The following WRN variants were observed in gnomAD, a reference collection of about 807,000 sequenced individuals.
WRN encodes WRN RecQ like helicase.
Under a neutral mutation model 180.7 loss-of-function variants are expected in WRN, and 149 were observed. That is an observed-to-expected ratio of 0.82 (90% CI 0.72 to 0.94). The LOEUF (loss-of-function observed/expected upper bound fraction) is 0.94, where lower values mean the gene tolerates loss of function less well. WRN is among the 40% of genes least tolerant of loss of function. The pLI, the probability that WRN is intolerant of heterozygous loss-of-function variation, is 0.00. For missense variants in WRN, 1,661 were observed against 1,700.1 expected, an observed-to-expected ratio of 0.98 and a Z score of 0.40; for synonymous variants, 548 against 568.9, an observed-to-expected ratio of 0.96 and a Z score of 0.52.
At chr8:31,099,124 A>G (rs1814108897) in intron 17 of WRN, among the ~76,000 whole-genome samples, 1 of 151,554 alleles carries the variant, frequency 6.6e-6, no homozygotes, top group African/African-American at 2.4e-5. Flanking sequence ...AGGGGCTGGG[A>G]GTGGTGGCTC....
chr8:31,088,045 T>G, intron 12 of WRN, 125 bp downstream of exon 12: 4 of 1,484,802 alleles, frequency 2.7e-6, no homozygotes, highest in African/African-American at 1.4e-5. Flanking sequence ...TATTGGATCC[T>G]TATAAGCTTT....
rs1282298790 is a variant in WRN, at chr8:31,064,219, T to G, written c.210-70T>G. 104 of 1,581,270 alleles carry G rather than the reference T, an allele frequency of 6.6e-5. 2 individuals carry two copies. The highest frequency in any genetic ancestry group is 2.6e-6 in the Non-Finnish European group (3 of 1,154,944). ...CTGTGGTTGCCTTTTAATTTTTGAA[T>G]TATGTCTTTAGTTATGCAGAAGTTT... On this transcript the variant is annotated intron_variant, in intron 3 of 34. Transcript: ENST00000298139.
chr8:31,040,490 G>T (rs142532010), intron 1 of WRN, among the ~76,000 whole-genome samples: 2 of 152,244 alleles, frequency 1.3e-5, no homozygotes, highest in East Asian at 1.9e-4. Context: ...ACTGAAAAGG[G>T]ATTGTTATAC....
At chr8:31,133,717 G>A (rs1802276551) in intron 24 of WRN, among the ~76,000 whole-genome samples, 1 of 152,066 alleles carries the variant, frequency 6.6e-6, no homozygotes, top group Non-Finnish European at 1.5e-5. Context: ...ACTATTTTAG[G>A]TGCTGTGAGT....
intron 1 of WRN, among the ~76,000 whole-genome samples, chr8:31,037,245 C>T (rs1385554340): frequency 1.3e-5 from 2 of 152,210 alleles, no homozygotes; most frequent in Non-Finnish European, 2.9e-5. Flanking sequence ...CTTGCATGCG[C>T]AATTCACAGT....
At chr8:31,045,183 A>G (rs991546750) in intron 1 of WRN, among the ~76,000 whole-genome samples, 5 of 152,108 alleles carry the variant, frequency 3.3e-5, no homozygotes, top group Non-Finnish European at 5.9e-5. Context: ...ACATGGATCT[A>G]TTTCTGGACA....
At chr8:31,066,727 T>A (rs935130235) in intron 5 of WRN, among the ~76,000 whole-genome samples, 2 of 152,122 alleles carry the variant, frequency 1.3e-5, no homozygotes, top group African/African-American at 4.8e-5. Context: ...AATTAAATTC[T>A]CATATTTAGC....
At chr8:31,167,582 TAA>T (rs1174791717) in intron 34 of WRN, among the ~76,000 whole-genome samples, 24 of 152,254 alleles carry the variant, frequency 1.6e-4, no homozygotes, top group Non-Finnish European at 2.9e-5. Flanking sequence ...AATTGTATTA[TAA>T]ATACCTCCCA....
At position 31,174,078 on chromosome 8, in the gene WRN, A is replaced by T. The variant is rs1804194526; in HGVS notation, c.*976A>T. Among the ~76,000 whole-genome samples the T allele has an allele frequency of 6.6e-6, 1 of 152,250 alleles. No individual in the cohort carries two copies. Among genetic ancestry groups the T allele is most frequent in the Non-Finnish European group, 1.5e-5 (1 of 68,048 alleles). On this transcript the variant is annotated 3_prime_UTR_variant, in exon 35 of 35. Transcript: ENST00000298139. Reference sequence around the variant, plus strand: ...TCATTCATAGTTTTACTAGTAGCTAATCACAGTCAACCTCTTTTGTGTATC... The same window carrying T: ...TCATTCATAGTTTTACTAGTAGCTATTCACAGTCAACCTCTTTTGTGTATC...
intron 9 of WRN, among the ~76,000 whole-genome samples, chr8:31,082,964 A>G (rs1351719428): frequency 6.6e-6 from 1 of 152,136 alleles, no homozygotes; most frequent in Non-Finnish European, 1.5e-5. Context: ...TTTTTTTCCT[A>G]GTACAAAGCT....
At chr8:31,086,175 T>A (rs1387568854) in intron 11 of WRN, among the ~76,000 whole-genome samples, 1 of 149,056 alleles carries the variant, frequency 6.7e-6, no homozygotes, top group African/African-American at 2.4e-5. Context: ...TGCATTTTTT[T>A]ATTCCTAATC....
chr8:31,037,123 G>A (rs1010738531), intron 1 of WRN, among the ~76,000 whole-genome samples: 1 of 152,182 alleles, frequency 6.6e-6, no homozygotes, highest in African/African-American at 2.4e-5. Context: ...TAGAATCACT[G>A]GGAGCCCTGA....
chr8:31,133,393 T>A (rs889984206), intron 24 of WRN, among the ~76,000 whole-genome samples: 15 of 152,146 alleles, frequency 9.9e-5, no homozygotes, highest in African/African-American at 3.6e-4. Flanking sequence ...ACTTTCTGAG[T>A]TTGTATTTTT....
At chr8:31,059,367 T>C in intron 3 of WRN, 102 bp downstream of exon 3, 1 of 899,118 alleles carries the variant, frequency 1.1e-6, no homozygotes, top group Admixed American at 1.8e-5. Context: ...GTGAGGTGTG[T>C]TCAATAGATA....
chr8:31,147,501 T>TC lies in WRN; in HGVS notation c.3572+25_3572+26insC, dbSNP rs3087415. On this transcript the variant is annotated intron_variant, in intron 30 of 34. Transcript: ENST00000298139. ...GGTAAACTATCTTTTGCATGTGTTC[T>TC]ATTTATTTCCTTCTAACAAAATAGA... 1,595,032 of 1,601,684 alleles carry TC rather than the reference T, an allele frequency of 1. 794,471 individuals carry two copies. The highest frequency in any genetic ancestry group is 1 in the East Asian group (44,748 of 44,748).
intron 1 of WRN, among the ~76,000 whole-genome samples, chr8:31,045,864 CT>C (rs1811844316): frequency 6.6e-6 from 1 of 152,186 alleles, no homozygotes. Context: ...ATTCTGATGA[CT>C]TTTTTTCTTG....
At chr8:31,101,658 G>T (rs1384970678) in intron 18 of WRN, among the ~76,000 whole-genome samples, 2 of 151,608 alleles carry the variant, frequency 1.3e-5, no homozygotes, top group Non-Finnish European at 2.9e-5. Flanking sequence ...GTGGTGGCAG[G>T]TGCCTGTAAT....
At chr8:31,058,340 T>A in intron 1 of WRN, 32 bp from the exon 2 acceptor site, 2 of 908,804 alleles carry the variant, frequency 2.2e-6, no homozygotes, top group Non-Finnish European at 3.5e-6. Context: ...GTATGTTTGG[T>A]TTTCATTCAT....
At chr8:31,149,734 C>A (rs1364684174) in intron 30 of WRN, among the ~76,000 whole-genome samples, 2 of 151,936 alleles carry the variant, frequency 1.3e-5, no homozygotes, top group Admixed American at 1.3e-4. Context: ...CCCGGCCTCC[C>A]AAATTGTTGG....
Sources: gnomAD v4.1 joint callset for allele counts (sites outside exome capture counted in the v4.1 genomes callset) on GRCh38, gnomAD v4.1.1 for gene constraint, MANE v1.5 for transcripts, NCBI Gene and HGNC (gene_info 2026-07-23, HGNC 2026-07-21) for gene names.